The following NBAS variants were observed in gnomAD, a reference collection of about 807,000 sequenced individuals.
NBAS encodes the protein NAG/BC035112 fusion.
A neutral mutation model predicts 302.5 loss-of-function variants in NBAS; 219 were observed. That is an observed-to-expected ratio of 0.72 (90% CI 0.65 to 0.81). NBAS has a LOEUF of 0.81. NBAS is among the 30% of genes least tolerant of loss of function. The pLI is 0.00. For missense variants in NBAS, 2,932 were observed against 2,841.6 expected, an observed-to-expected ratio of 1.03 and a Z score of -0.72; for synonymous variants, 1,118 against 1,021.6, an observed-to-expected ratio of 1.09 and a Z score of -1.80.
intron 45 of NBAS, among the ~76,000 whole-genome samples, chr2:15,237,744 G>C (rs1667662896): frequency 7.2e-6 from 1 of 139,074 alleles, no homozygotes; most frequent in African/African-American, 2.7e-5. Context: ...TACAGGTGTT[G>C]TGCCACCACA....
At chr2:15,077,560 T>A in the NBAS span, among the ~76,000 whole-genome samples, 2 of 152,200 alleles carry the variant, frequency 1.3e-5, no homozygotes, top group Non-Finnish European at 2.9e-5. Context: ...AGCAAGTAAA[T>A]GCAGCCTATT....
the NBAS span, among the ~76,000 whole-genome samples, chr2:14,927,489 G>A: frequency 5.3e-5 from 8 of 152,098 alleles, no homozygotes; most frequent in African/African-American, 1.7e-4. Context: ...ATCTTCCATT[G>A]TTGGCTATTA....
intron 6 of NBAS, among the ~76,000 whole-genome samples, chr2:15,541,514 T>G (rs1428813688): frequency 6.6e-6 from 1 of 152,162 alleles, no homozygotes; most frequent in Non-Finnish European, 1.5e-5. Context: ...ATGGGGAAAG[T>G]ACACCAGGCA....
intron 51 of NBAS, among the ~76,000 whole-genome samples, chr2:15,169,333 C>CTCCT (rs1419552715): frequency 6.6e-6 from 1 of 152,212 alleles, no homozygotes; most frequent in African/African-American, 2.4e-5. Context: ...AATGGACTTG[C>CTCCT]TTTTGTGCTG....
chr2:15,225,164 A>G (rs1038587850), intron 47 of NBAS, among the ~76,000 whole-genome samples: 1 of 152,202 alleles, frequency 6.6e-6, no homozygotes, highest in Non-Finnish European at 1.5e-5. Flanking sequence ...CCAACCTAGA[A>G]TATCTTCCTG....
the NBAS span, among the ~76,000 whole-genome samples, chr2:14,987,780 G>GC: frequency 3.2e-4 from 49 of 152,046 alleles, no homozygotes; most frequent in African/African-American, 1.1e-3. Context: ...TATGCCTAGA[G>GC]AAAAAATTCA....
At chr2:15,162,845 C>T (rs1424362312), downstream of NBAS, among the ~76,000 whole-genome samples, 1 of 152,230 alleles carries the variant, frequency 6.6e-6, no homozygotes, top group Non-Finnish European at 1.5e-5. Flanking sequence ...GAATTCCCAG[C>T]TGTTGGAGCT....
At position 15,424,315 on chromosome 2, in the gene NBAS, C is replaced by G. The variant is rs989299960; in HGVS notation, c.2577G>C (p.Gln859His). The G allele has an allele frequency of 6.2e-7, 1 of 1,613,962 alleles. No individual in the cohort carries two copies. The highest frequency in any genetic ancestry group is 1.3e-5 in the African/African-American group (1 of 74,924). ...AGCAGCAGCTGCCATTTCCCCTCAC[C>G]TGCCGAGCATAATGCTCTATTTCCT... ...RAEEIEHYAR[Q>H]VDCALSLIRL... The change falls in exon 23 of 52, where the codon CAG (glutamine) becomes CAC (histidine). Residue 859 changes from glutamine to histidine, a missense_variant and splice_region_variant. Coordinates refer to ENST00000281513, the MANE Select transcript of NBAS (RefSeq NM_015909.4).
intron 21 of NBAS, among the ~76,000 whole-genome samples, chr2:15,458,255 T>C (rs1242449202): frequency 6.6e-6 from 1 of 152,194 alleles, no homozygotes; most frequent in Non-Finnish European, 1.5e-5. Flanking sequence ...GAGTACCTTA[T>C]AGAAATCCTC....
the NBAS span, among the ~76,000 whole-genome samples, chr2:15,069,756 A>G: frequency 3.3e-5 from 5 of 152,238 alleles, no homozygotes; most frequent in Admixed American, 2.0e-4. Flanking sequence ...GCATCTACAT[A>G]AAACATTAAT....
At position 15,539,539 on chromosome 2, in the gene NBAS, G is replaced by C. The variant is rs544251114; in HGVS notation, c.380-183C>G. 5.3e-5 allele frequency among the ~76,000 whole-genome samples: 8 copies of C among 152,252 alleles called. No homozygotes were observed. The South Asian group carries it at 1.0e-3, about 20-fold the overall frequency. On this transcript the variant is annotated intron_variant, in intron 6 of 51. Transcript: ENST00000281513. ...CAGAAACACACTTCAAGTAAGAGTG[G>C]GAAATACAAACCACTGCAACTATGC...
the NBAS span, among the ~76,000 whole-genome samples, chr2:15,026,491 A>AAAAAAAAAAAAT: frequency 7.4e-6 from 1 of 135,894 alleles, no homozygotes; most frequent in African/African-American, 2.7e-5. Context: ...AAAAAAAAAA[A>AAAAAAAAAAAAT]GTCTTTTCTG....
chr2:14,790,714 C>A, the NBAS span, among the ~76,000 whole-genome samples: 6 of 147,226 alleles, frequency 4.1e-5, no homozygotes, highest in South Asian at 6.4e-4. Context: ...TGCAACGGTG[C>A]GATCTCGGCT....
intron 51 of NBAS, among the ~76,000 whole-genome samples, chr2:15,178,402 A>T (rs1664656458): frequency 6.6e-6 from 1 of 152,218 alleles, no homozygotes; most frequent in African/African-American, 2.4e-5. Context: ...GGAAAATTTT[A>T]AATGAGAAGA....
chr2:15,382,821 A>T (rs768119161), intron 29 of NBAS, among the ~76,000 whole-genome samples: 4 of 152,212 alleles, frequency 2.6e-5, no homozygotes, highest in Non-Finnish European at 1.5e-5. Context: ...ACTCTTTATC[A>T]GTGTAAACCA....
chr2:15,385,636 A>G (rs1452759962), intron 28 of NBAS, among the ~76,000 whole-genome samples: 1 of 152,222 alleles, frequency 6.6e-6, no homozygotes, highest in Non-Finnish European at 1.5e-5. Flanking sequence ...AGGGAGAAAT[A>G]GTAGTGTACT....
the NBAS span, among the ~76,000 whole-genome samples, chr2:14,995,913 C>T: frequency 1.3e-5 from 2 of 152,220 alleles, no homozygotes; most frequent in African/African-American, 4.8e-5. Context: ...GCAGCCCATG[C>T]CCCATGGTTA....
chr2:15,549,404 G>A (rs1449787053), intron 6 of NBAS, among the ~76,000 whole-genome samples: 1 of 152,196 alleles, frequency 6.6e-6, no homozygotes. Flanking sequence ...CTAAGGCTGT[G>A]ATGGTGGAAG....
chr2:14,966,073 G>A, the NBAS span, among the ~76,000 whole-genome samples: 2 of 152,118 alleles, frequency 1.3e-5, no homozygotes, highest in Admixed American at 6.5e-5. Context: ...ATGCAACAAC[G>A]AACCCCAGAA....
Sources: allele counts gnomAD v4.1 joint callset (sites outside exome capture counted in the v4.1 genomes callset), GRCh38; gene constraint gnomAD v4.1.1; transcripts MANE v1.5; gene names NCBI Gene and HGNC (gene_info 2026-07-23, HGNC 2026-07-21).